The following KATNAL1 variants were observed in gnomAD, a reference collection of about 807,000 sequenced individuals.
KATNAL1 encodes the protein katanin catalytic subunit A1 like 1.
In KATNAL1, 32 loss-of-function variants were observed where a neutral mutation model predicts 55.2. The ratio of observed to expected loss-of-function variants is 0.58; its 90% CI spans 0.44 to 0.78. The LOEUF (loss-of-function observed/expected upper bound fraction) is 0.78. Ranked by LOEUF, KATNAL1 falls within the 30% of genes least tolerant of loss-of-function variation. The pLI is 0.00. For missense variants in KATNAL1, 466 were observed against 600.9 expected, an observed-to-expected ratio of 0.78 and a Z score of 2.35; for synonymous variants, 193 against 193.6, an observed-to-expected ratio of 1.00 and a Z score of 0.02.
chr13:30,274,891 A>ACATATG (rs55740915), intron 3 of KATNAL1, among the ~76,000 whole-genome samples: 4 of 122,198 alleles, frequency 3.3e-5, no homozygotes, highest in South Asian at 5.0e-4. Flanking sequence ...GCACACACAT[A>ACATATG]CGCGCGCGCG....
chr13:30,214,723 T>C (rs1237972559), intron 9 of KATNAL1, among the ~76,000 whole-genome samples: 2 of 151,972 alleles, frequency 1.3e-5, no homozygotes, highest in Admixed American at 6.6e-5. Flanking sequence ...TAGCCATATG[T>C]AGAAAGCTGA....
In KATNAL1 at chr13:30,207,718, G is replaced by T. The variant is rs1274429762; in HGVS notation, c.*822C>A. The stretch of plus-strand genomic sequence containing the variant: ...GGAGGCAGAGGTTGCAGTGAGCCAA[G>T]ATCAACCACTGCACTACACAGCCTG... On this transcript the variant is annotated 3_prime_UTR_variant, in exon 11 of 11. Transcript: ENST00000380615. The T allele has an allele frequency of 6.6e-6, 1 of 152,170 alleles. No homozygotes were observed. Among genetic ancestry groups the T allele is most frequent in the African/African-American group, 2.4e-5 (1 of 41,410 alleles). The allele number at this position is 152,170 out of a possible 1,614,324, so 9.4% of individuals were successfully genotyped here. A position where few individuals can be genotyped will look rare whatever the true frequency, so the allele number is the denominator to read the frequency against.
At chr13:30,283,215 C>T (rs1026331853) in intron 2 of KATNAL1, among the ~76,000 whole-genome samples, 22 of 121,114 alleles carry the variant, frequency 1.8e-4, no homozygotes, top group African/African-American at 6.9e-4. Flanking sequence ...TGCAGTGAGC[C>T]GAGATTGCGC....
intron 3 of KATNAL1, among the ~76,000 whole-genome samples, chr13:30,275,034 A>C (rs534169565): frequency 6.6e-6 from 1 of 152,236 alleles, no homozygotes; most frequent in African/African-American, 2.4e-5. Flanking sequence ...AGAAAGACAC[A>C]TACTACGTGA....
chr13:30,274,893 GCGCGCGCGCGCGCGCACACACA>G lies in KATNAL1; in HGVS notation c.323+5148_323+5169del, dbSNP rs1566122312. The stretch of plus-strand genomic sequence containing the variant: ...GGGCGGGGTGTGTGCACACACATAC[GCGCGCGCGCGCGCGCACACACA>G]CACACACACACACACACACACACAC... On this transcript the variant is annotated intron_variant, in intron 3 of 10. Coordinates refer to ENST00000380615, the MANE Select transcript of KATNAL1 (RefSeq NM_032116.5). Among the ~76,000 whole-genome samples the G allele has an allele frequency of 8.1e-3, 822 of 100,912 alleles. 3 individuals carry two copies. Among genetic ancestry groups the G allele is most frequent in the Admixed American group, 0.012 (124 of 10,378 alleles). 66.2% of individuals were successfully genotyped at this position (100,912 alleles called of 152,430 possible). A position where few individuals can be genotyped will look rare whatever the true frequency, so the allele number is the denominator to read the frequency against.
chr13:30,209,085 T>C (rs535518074), intron 10 of KATNAL1, among the ~76,000 whole-genome samples: 1 of 152,324 alleles, frequency 6.6e-6, no homozygotes, highest in African/African-American at 2.4e-5. Context: ...AATGAACATA[T>C]GGCTAATGTT....
intron 1 of KATNAL1, among the ~76,000 whole-genome samples, chr13:30,288,674 G>A (rs1881949077): frequency 6.6e-6 from 1 of 152,182 alleles, no homozygotes; most frequent in Admixed American, 6.5e-5. Flanking sequence ...AAGCCATTCA[G>A]CGTTCAATAT....
intron 6 of KATNAL1, among the ~76,000 whole-genome samples, chr13:30,234,159 G>A (rs79396031): frequency 0.019 from 2,854 of 152,142 alleles, 37 homozygotes; most frequent in Non-Finnish European, 0.031. Flanking sequence ...AAATTATCAC[G>A]AGCCCCAAAA....
chr13:30,256,419 C>G (rs759811146), intron 3 of KATNAL1, among the ~76,000 whole-genome samples: 1 of 152,148 alleles, frequency 6.6e-6, no homozygotes, highest in Non-Finnish European at 1.5e-5. Context: ...AATCTTAGTT[C>G]TCTCTTGAAA....
At chr13:30,299,824 C>T (rs1025806457) in intron 1 of KATNAL1, among the ~76,000 whole-genome samples, 1 of 152,186 alleles carries the variant, frequency 6.6e-6, no homozygotes, top group Non-Finnish European at 1.5e-5. Context: ...AGTCCAAGTT[C>T]ATGCTCAGAT....
intron 9 of KATNAL1, among the ~76,000 whole-genome samples, chr13:30,216,600 C>T (rs1874264973): frequency 6.6e-6 from 1 of 152,172 alleles, no homozygotes; most frequent in African/African-American, 2.4e-5. Context: ...ATCCTTGATC[C>T]CAGCCAACAG....
At chr13:30,260,263 A>G (rs1382114428) in intron 3 of KATNAL1, among the ~76,000 whole-genome samples, 1 of 152,202 alleles carries the variant, frequency 6.6e-6, no homozygotes, top group African/African-American at 2.4e-5. Context: ...AAAACCACAA[A>G]GATGGGGAAA....
chr13:30,219,010 G>C (rs1390968599), intron 9 of KATNAL1, among the ~76,000 whole-genome samples: 2 of 151,956 alleles, frequency 1.3e-5, no homozygotes, highest in Non-Finnish European at 2.9e-5. Flanking sequence ...ATAAATATGG[G>C]TATTTCTTTA....
Position 30,238,434 on chromosome 13 carries a change from A to G in KATNAL1, c.726+2026T>C, listed in dbSNP as rs546013230. On this transcript the variant is annotated intron_variant, in intron 6 of 10. Transcript: ENST00000380615. ...GGATCCAGGATCTGTACCCCTTACC[A>G]ATATTCTATGCTGCCTTCCTTACAA... Among the ~76,000 whole-genome samples the G allele has an allele frequency of 8.6e-4, 131 of 152,274 alleles. 2 individuals are homozygous for G. The South Asian group carries it at 0.027, about 31-fold the overall frequency.
At chr13:30,221,988 T>G (rs537764999) in intron 9 of KATNAL1, among the ~76,000 whole-genome samples, 2 of 151,980 alleles carry the variant, frequency 1.3e-5, no homozygotes, top group East Asian at 1.9e-4. Context: ...GAGGCGGAGG[T>G]TGCAGTGAGG....
At chr13:30,208,836 TTA>T in intron 10 of KATNAL1, 98 bp from the exon 11 acceptor site, 2 of 837,182 alleles carry the variant, frequency 2.4e-6, no homozygotes, top group South Asian at 2.3e-5. Flanking sequence ...AAAGATTATT[TTA>T]TATGTTTTTA....
intron 9 of KATNAL1, among the ~76,000 whole-genome samples, chr13:30,211,762 G>C (rs1342585373): frequency 6.6e-6 from 1 of 152,180 alleles, no homozygotes; most frequent in Non-Finnish European, 1.5e-5. Flanking sequence ...GAACAGCCAA[G>C]ATGCTCTGGA....
At chr13:30,221,868 A>G (rs948825378) in intron 9 of KATNAL1, among the ~76,000 whole-genome samples, 1 of 152,170 alleles carries the variant, frequency 6.6e-6, no homozygotes, top group African/African-American at 2.4e-5. Context: ...CCTGACCAAC[A>G]TGAGGAAACC....
chr13:30,261,126 A>T lies in KATNAL1; in HGVS notation c.324-5511T>A, dbSNP rs188414846. On this transcript the variant is annotated intron_variant, in intron 3 of 10. Transcript: ENST00000380615. ...TTCATATCCAGCCAAACTAAGCTTCATAGTGAGGGAGAAATAAAATACTTT... is the reference window on the plus strand; with the variant it reads ...TTCATATCCAGCCAAACTAAGCTTCTTAGTGAGGGAGAAATAAAATACTTT... Among the ~76,000 whole-genome samples, 346 of 152,280 alleles carry T rather than the reference A, an allele frequency of 2.3e-3. 1 individual carries two copies. Among genetic ancestry groups the T allele is most frequent in the African/African-American group, 7.2e-3 (301 of 41,534 alleles).
Sources: allele counts gnomAD v4.1 joint callset (sites outside exome capture counted in the v4.1 genomes callset), GRCh38; gene constraint gnomAD v4.1.1; transcripts MANE v1.5; gene names NCBI Gene and HGNC (gene_info 2026-07-23, HGNC 2026-07-21).